ROBO2: variants seen among roughly 807,000 people sequenced by gnomAD.
The protein encoded by ROBO2 is roundabout guidance receptor 2.
ROBO2 carries 53 observed loss-of-function variants against 160.8 expected under a neutral mutation model. That is an observed-to-expected ratio of 0.33 (90% CI 0.26 to 0.41). ROBO2 has a LOEUF of 0.41. ROBO2 is among the 10% of genes least tolerant of loss of function. The pLI is 1.00. For synonymous variants in ROBO2, 664 were observed against 611.7 expected (o/e 1.09, Z -1.26); for missense variants, 1,577 against 1,722.4 (o/e 0.92, Z 1.49).
chr3:77,026,733 A>C (rs1002611516), intron 2 of ROBO2, among the ~76,000 whole-genome samples: 2 of 152,232 alleles, frequency 1.3e-5, no homozygotes, highest in African/African-American at 4.8e-5. Context: ...TCAGAAAAGC[A>C]AAGTATCTTT....
At chr3:75,970,833 C>G (rs2064971195) in intron 2 of ROBO2, among the ~76,000 whole-genome samples, 1 of 151,012 alleles carries the variant, frequency 6.6e-6, no homozygotes, top group African/African-American at 2.4e-5. Context: ...AAAAGCCTGT[C>G]TTATATCTAG....
intron 2 of ROBO2, among the ~76,000 whole-genome samples, chr3:76,619,212 C>T (rs1291885571): frequency 6.6e-6 from 1 of 151,334 alleles, no homozygotes; most frequent in Admixed American, 6.6e-5. Context: ...TGGTAGCGGG[C>T]GCCTGTAGTC....
chr3:77,445,447 T>G (rs1294023306), intron 2 of ROBO2, among the ~76,000 whole-genome samples: 2 of 152,080 alleles, frequency 1.3e-5, no homozygotes, highest in Admixed American at 1.3e-4. Context: ...CTCCCAGTGA[T>G]TATATATACT....
intron 9 of ROBO2, among the ~76,000 whole-genome samples, chr3:77,558,683 GT>G (rs2093218450): frequency 6.6e-6 from 1 of 152,012 alleles, no homozygotes; most frequent in Admixed American, 6.6e-5. Context: ...GGCATTGGTG[GT>G]TTTTTACTGA....
chr3:76,701,560 G>A (rs1455256575), intron 2 of ROBO2, among the ~76,000 whole-genome samples: 1 of 151,950 alleles, frequency 6.6e-6, no homozygotes, highest in Non-Finnish European at 1.5e-5. Flanking sequence ...TTCTGTTCAA[G>A]GCTTGCTCTT....
intron 6 of ROBO2, among the ~76,000 whole-genome samples, chr3:77,542,738 T>C (rs1200097323): frequency 6.6e-6 from 1 of 152,186 alleles, no homozygotes; most frequent in Non-Finnish European, 1.5e-5. Flanking sequence ...TAGGTGCTAC[T>C]AAAAATAAAA....
chr3:76,108,315 A>T (rs1023582286), intron 2 of ROBO2, among the ~76,000 whole-genome samples: 3 of 152,078 alleles, frequency 2.0e-5, no homozygotes, highest in Non-Finnish European at 1.5e-5. Context: ...ATTATTTAGC[A>T]TCATTTCTAA....
intron 2 of ROBO2, among the ~76,000 whole-genome samples, chr3:77,325,640 A>T (rs1242159980): frequency 6.6e-6 from 1 of 152,206 alleles, no homozygotes; most frequent in Non-Finnish European, 1.5e-5. Flanking sequence ...ATGGCCATCA[A>T]ATTCTTGGAA....
chr3:76,333,301 ATAT>A (rs1268086372), intron 2 of ROBO2, among the ~76,000 whole-genome samples: 1 of 152,176 alleles, frequency 6.6e-6, no homozygotes, highest in Non-Finnish European at 1.5e-5. Flanking sequence ...TGTCCAGTAC[ATAT>A]TAGCTGTGCA....
intron 2 of ROBO2, among the ~76,000 whole-genome samples, chr3:76,677,640 C>T (rs1244741825): frequency 6.6e-6 from 1 of 152,076 alleles, no homozygotes; most frequent in African/African-American, 2.4e-5. Context: ...TCCATCTCTT[C>T]TTCATAAAGT....
chr3:75,923,067 G>A (rs1399125649), intron 1 of ROBO2, among the ~76,000 whole-genome samples: 1 of 152,190 alleles, frequency 6.6e-6, no homozygotes, highest in Non-Finnish European at 1.5e-5. Flanking sequence ...CAAGGGCCTA[G>A]ATGCCTATCA....
intron 2 of ROBO2, among the ~76,000 whole-genome samples, chr3:77,413,493 C>CGTTTT (rs774409906): frequency 6.6e-6 from 1 of 152,000 alleles, no homozygotes; most frequent in Non-Finnish European, 1.5e-5. Context: ...GAAAGGTTTG[C>CGTTTT]GTTTTGTTTT....
At chr3:76,434,364 G>C in intron 2 of ROBO2, 2 of 1,504,740 alleles carry the variant, frequency 1.3e-6, no homozygotes, top group Non-Finnish European at 1.8e-6. Flanking sequence ...GAGAAGAACC[G>C]AGGCAGCAAG....
chr3:77,012,547 C>G lies in ROBO2; in HGVS notation c.110-85467C>G, dbSNP rs558649609. On this transcript the variant is annotated intron_variant, in intron 2 of 26. Transcript: ENST00000487694. ...AGTCACTTGATGATGAGAATATCAG[C>G]TACATGGATAGATAAAAAATAAGAT... 2.6e-5 allele frequency among the ~76,000 whole-genome samples: 4 copies of G among 152,204 alleles called. No individual in the cohort carries two copies. The South Asian group carries it at 8.3e-4, about 32-fold the overall frequency.
chr3:75,937,416 T>A (rs1221054027), intron 1 of ROBO2: 2 of 806,460 alleles, frequency 2.5e-6, no homozygotes, highest in Admixed American at 5.7e-5. Flanking sequence ...GGGATTTGAG[T>A]CGTAGTATAT....
At chr3:76,186,061 G>A (rs1224788512) in intron 2 of ROBO2, among the ~76,000 whole-genome samples, 2 of 151,038 alleles carry the variant, frequency 1.3e-5, no homozygotes, top group East Asian at 3.9e-4. Flanking sequence ...GGCCTCCCAA[G>A]TAGATGGACT....
chr3:76,740,967 A>G (rs2093792805), intron 2 of ROBO2, among the ~76,000 whole-genome samples: 1 of 152,124 alleles, frequency 6.6e-6, no homozygotes, highest in Non-Finnish European at 1.5e-5. Flanking sequence ...TTAAGAAAGT[A>G]CAGCCTTTTG....
intron 8 of ROBO2, among the ~76,000 whole-genome samples, chr3:77,552,695 T>G (rs2092962448): frequency 6.6e-6 from 1 of 152,018 alleles, no homozygotes; most frequent in South Asian, 2.1e-4. Flanking sequence ...AAGATCCTTT[T>G]GCAGAGACAT....
chr3:77,163,710 C>G (rs2078694167), intron 2 of ROBO2, among the ~76,000 whole-genome samples: 1 of 152,108 alleles, frequency 6.6e-6, no homozygotes, highest in Non-Finnish European at 1.5e-5. Flanking sequence ...CCAACTTACA[C>G]CTAATATTTG....
Sources: gnomAD v4.1 joint callset for allele counts (sites outside exome capture counted in the v4.1 genomes callset) on GRCh38, gnomAD v4.1.1 for gene constraint, MANE v1.5 for transcripts, NCBI Gene and HGNC (gene_info 2026-07-23, HGNC 2026-07-21) for gene names.